OAS3: variants seen among roughly 807,000 people sequenced by gnomAD.
OAS3 encodes the protein 2'-5'-oligoadenylate synthase 3.
OAS3 carries 107 observed loss-of-function variants against 113.0 expected under a neutral mutation model. The ratio of observed to expected loss-of-function variants is 0.95; its 90% CI spans 0.81 to 1.11. OAS3 has a LOEUF of 1.11. Ranked by LOEUF, OAS3 falls within the 50% of genes most tolerant of loss-of-function variation. The pLI, the probability that OAS3 is intolerant of heterozygous loss-of-function variation, is 0.00. For missense variants in OAS3, 1,258 were observed against 1,389.1 expected, an observed-to-expected ratio of 0.91 and a Z score of 1.50; for synonymous variants, 552 against 573.6, an observed-to-expected ratio of 0.96 and a Z score of 0.54.
rs577173499 is a variant in OAS3, at chr12:112,965,851, C to T, written c.2511C>T (p.Ala837=). The change falls in exon 12 of 16, where the codon GCC becomes GCT. Residue 837 remains alanine (A), a synonymous_variant. Transcript: ENST00000228928. ...TCACTGAGCAGGGCAACAAGCGGGC[C>T]GAGATCATCTCCGAGATCCGAGCCC... ...SQFTEQGNKR[A]EIISEIRAQL... is the part of the protein sequence containing the mutation. 6.8e-6 allele frequency: 11 copies of T among 1,613,732 alleles called. No individual in the cohort carries two copies. The highest frequency in any genetic ancestry group is 1.6e-4 in the Middle Eastern group (1 of 6,062).
At chr12:112,969,878 G>A in intron 15 of OAS3, 84 bp from the exon 16 acceptor site, 1 of 1,588,824 alleles carries the variant, frequency 6.3e-7, no homozygotes, top group Non-Finnish European at 8.6e-7. Flanking sequence ...ATGCCCCTGT[G>A]CTTCCATTTT....
Position 112,965,981 on chromosome 12 carries a change from C to T in OAS3, c.2641C>T (p.Leu881=). ...CTTCTCACTGACATCCCAGACGATG[C>T]TGGACCAGAGTGTGGACTTTGATGT... ...LSFSLTSQTM[L]DQSVDFDVLP... Residue 881 remains leucine, a synonymous_variant, in exon 12 of 16, where the codon CTG becomes TTG. Coordinates refer to ENST00000228928, the MANE Select transcript of OAS3 (RefSeq NM_006187.4). The T allele has an allele frequency of 1.2e-6, 2 of 1,614,060 alleles. No homozygotes were observed. The highest frequency in any genetic ancestry group is 2.2e-5 in the South Asian group (2 of 91,078).
chr12:112,959,391 C>T (rs1399557493), intron 7 of OAS3, among the ~76,000 whole-genome samples: 2 of 152,140 alleles, frequency 1.3e-5, no homozygotes, highest in African/African-American at 4.8e-5. Context: ...AACCCAGTAC[C>T]TCAGTTGGAA....
Position 112,950,916 on chromosome 12 carries a change from T to C in OAS3, c.1598T>C (p.Val533Ala). Residue 533 changes from valine (V) to alanine (A), a missense_variant, in exon 7 of 16, where the codon GTG becomes GCG. Physicochemically the swap from Val to Ala is moderately conservative, Grantham distance 64 (BLOSUM62 0). Transcript: ENST00000228928. ...CCTGAGGCTCTGCAGTTCCAGCTGG[T>C]GTCCACAGCCCTGAAGAGCTGGACG... ...NVPEALQFQL[V>A]STALKSWTDV... 6.2e-7 allele frequency: 1 copy of C among 1,613,968 alleles called. No individual in the cohort carries two copies. Among genetic ancestry groups the C allele is most frequent in the Non-Finnish European group, 8.5e-7 (1 of 1,179,894 alleles).
chr12:112,949,159 G>T lies in OAS3; in HGVS notation c.1328G>T (p.Arg443Leu). 1 of 1,613,516 alleles carries T rather than the reference G, an allele frequency of 6.2e-7. No individual in the cohort carries two copies. Among genetic ancestry groups the T allele is most frequent in the Non-Finnish European group, 8.5e-7 (1 of 1,179,874 alleles). Residue 443 changes from arginine (R) to leucine (L), a missense_variant, in exon 6 of 16, where the codon CGC becomes CTC. Physicochemically the swap from Arg to Leu is moderately radical, Grantham distance 102. Coordinates refer to ENST00000228928, the MANE Select transcript of OAS3 (RefSeq NM_006187.4). ...QVKKAIDIIL[R>L]CLHENCVHKA... is the part of the protein sequence containing the mutation. ...AAAAAGGCCATTGACATCATCTTGC[G>T]CTGCCTCCATGAGAACTGTGTTCAC...
rs1370918800 is a variant in OAS3, at chr12:112,945,996, T to C, written c.637-747T>C. 2.6e-5 allele frequency among the ~76,000 whole-genome samples: 4 copies of C among 151,966 alleles called. No homozygotes were observed. In the East Asian group the frequency reaches 7.7e-4, roughly 29 times the overall value. ...AACAGAGTAAGACTCTGTCTATAAA[T>C]TAATTAATTAATTAATACAACTATG... On this transcript the variant is annotated intron_variant, in intron 3 of 15. Coordinates refer to ENST00000228928, the MANE Select transcript of OAS3 (RefSeq NM_006187.4).
intron 6 of OAS3, 132 bp from the exon 7 acceptor site, chr12:112,950,561 G>A (rs1287905528): frequency 9.3e-7 from 1 of 1,073,968 alleles, no homozygotes; most frequent in Non-Finnish European, 1.4e-6. Flanking sequence ...GTCGACCTTT[G>A]TCATAGTCCC....
rs1593188278 is a variant in OAS3 at position 112,970,775 on chromosome 12, C to G, written c.*802C>G. 6.6e-6 allele frequency: 1 copy of G among 152,366 alleles called. No homozygotes were observed. Among genetic ancestry groups the G allele is most frequent in the East Asian group, 1.9e-4 (1 of 5,190 alleles). The allele number at this position is 152,366 out of a possible 1,614,324, so 9.4% of individuals were successfully genotyped here. A position where few individuals can be genotyped will look rare whatever the true frequency, so the allele number is the denominator to read the frequency against. On this transcript the variant is annotated 3_prime_UTR_variant, in exon 16 of 16. Coordinates refer to ENST00000228928, the MANE Select transcript of OAS3 (RefSeq NM_006187.4). ...GGGACATGCATGCTATGGGGACCCT[C>G]TTGTTGGACACCTAATTGGATGCCT...
At position 112,964,249 on chromosome 12, in the gene OAS3, C is replaced by T; in HGVS notation, c.2244C>T (p.Tyr748=). The T allele has an allele frequency of 6.3e-7, 1 of 1,592,804 alleles. No individual in the cohort carries two copies. Among genetic ancestry groups the T allele is most frequent in the Non-Finnish European group, 8.6e-7 (1 of 1,169,200 alleles). The change falls in exon 11 of 16, where the codon TAC becomes TAT. Residue 748 remains tyrosine, a synonymous_variant. Transcript: ENST00000228928. ...TCTCTCTGCAGCCAGCCCTCCTTTA[C>T]CAAACCCCAGCTGGGGACCTTGACA... is the stretch of plus-strand genomic sequence containing the variant. ...QPWDVMPALL[Y]QTPAGDLDKF...
rs2043817707 is a variant in OAS3 at position 112,954,549 on chromosome 12, G to A, written c.1657+3574G>A. On this transcript the variant is annotated intron_variant, in intron 7 of 15. Coordinates refer to ENST00000228928, the MANE Select transcript of OAS3 (RefSeq NM_006187.4). This position sits in a 1 kb window ranked among gnomAD's most constrained non-coding sequence, Gnocchi z 4.0. The stretch of plus-strand genomic sequence containing the variant: ...CCGACCTCGTGATCCACCCACCTCG[G>A]CCTCCCAAAGTGCTGGGATTACAGG... Among the ~76,000 whole-genome samples the A allele has an allele frequency of 1.3e-5, 2 of 152,246 alleles. No homozygotes were observed. Among genetic ancestry groups the A allele is most frequent in the South Asian group, 4.2e-4 (2 of 4,818 alleles).
intron 6 of OAS3, chr12:112,950,443 G>A: frequency 1.9e-6 from 1 of 531,218 alleles, no homozygotes; most frequent in Non-Finnish European, 3.4e-6. Flanking sequence ...ATTATCTGTT[G>A]CTGCAGTTTG....
chr12:112,952,970 G>A (rs34762086), intron 7 of OAS3, among the ~76,000 whole-genome samples: 20,316 of 152,032 alleles, frequency 0.13, 1,442 homozygotes, highest in Middle Eastern at 0.19. Flanking sequence ...ATGTATCTGT[G>A]TATAGAATTC....
chr12:112,964,204 C>T, intron 10 of OAS3, 31 bp from the exon 11 acceptor site: 1 of 1,556,474 alleles, frequency 6.4e-7, no homozygotes, highest in Non-Finnish European at 8.7e-7. Flanking sequence ...AGTCCCGTCT[C>T]AAGCTGGCCC....
Position 112,970,079 on chromosome 12 carries a change from T to TGTGTGTGAGCACATGTGTGC in OAS3, c.*107_*126dup. On this transcript the variant is annotated 3_prime_UTR_variant, in exon 16 of 16. Transcript: ENST00000228928. ...CCAGATGAGAGAGATTGTGTACATGTGTGTGTGAGCACATGTGTGCATGTG... is the reference window on the plus strand; with the variant it reads ...CCAGATGAGAGAGATTGTGTACATGTGTGTGTGAGCACATGTGTGCGTGTGTGAGCACATGTGTGCATGTG... 4.6e-6 allele frequency: 6 copies of TGTGTGTGAGCACATGTGTGC among 1,316,998 alleles called. No individual in the cohort carries two copies. The South Asian group carries it at 7.5e-5, about 17-fold the overall frequency. 81.6% of individuals were successfully genotyped at this position (1,316,998 alleles called of 1,614,324 possible).
Position 112,946,875 on chromosome 12 carries a change from G to T in OAS3, c.769G>T (p.Gly257Cys). The change falls in exon 4 of 16, where the codon GGC (glycine) becomes TGC (cysteine). Residue 257 changes from glycine to cysteine, a missense_variant. Coordinates refer to ENST00000228928, the MANE Select transcript of OAS3 (RefSeq NM_006187.4). The part of the protein sequence containing the change: ...SLAEGLRTVL[G>C]LIQQHQHLCV... ...AGCCGAAGGCCTCCGAACTGTCCTG[G>T]GCCTGATCCAACAGCATCAGCACCT... is the stretch of plus-strand genomic sequence containing the variant. 1 of 1,613,960 alleles carries T rather than the reference G, an allele frequency of 6.2e-7. No individual in the cohort carries two copies. Among genetic ancestry groups the T allele is most frequent in the African/African-American group, 1.3e-5 (1 of 75,030 alleles).
At chr12:112,942,056 T>C in intron 2 of OAS3, 1 of 650,882 alleles carries the variant, frequency 1.5e-6, no homozygotes, top group East Asian at 2.7e-5. Flanking sequence ...GGATCTGTGG[T>C]CCTGCTGTCA....
At chr12:112,964,159 G>A in intron 10 of OAS3, 76 bp from the exon 11 acceptor site, 1 of 1,437,388 alleles carries the variant, frequency 7.0e-7, no homozygotes, top group Non-Finnish European at 9.4e-7. Flanking sequence ...TGTCCTCAGA[G>A]GACATCAAGG....
At chr12:112,956,855 G>A (rs956969134) in intron 7 of OAS3, among the ~76,000 whole-genome samples, 44 of 152,146 alleles carry the variant, frequency 2.9e-4, no homozygotes, top group African/African-American at 8.7e-4. Context: ...TATTAGGTCC[G>A]CTTGGTGCAG....
Position 112,938,523 on chromosome 12 carries a change from G to T in OAS3, c.-8G>T. 3 of 1,560,670 alleles carry T rather than the reference G, an allele frequency of 1.9e-6. No homozygotes were observed. Among genetic ancestry groups the T allele is most frequent in the Non-Finnish European group, 2.6e-6 (3 of 1,156,820 alleles). ...CCCTGCTTCCCCTTGCACCTGCGCC[G>T]GGCGGCCATGGACTTGTACAGCACC... On this transcript the variant is annotated 5_prime_UTR_variant, in exon 1 of 16. Transcript: ENST00000228928.
Sources: gnomAD v4.1 joint callset for allele counts (sites outside exome capture counted in the v4.1 genomes callset) on GRCh38, gnomAD v4.1.1 for gene constraint, Gnocchi (gnomAD v3.1) non-coding constraint, MANE v1.5 for transcripts, NCBI Gene and HGNC (gene_info 2026-07-23, HGNC 2026-07-21) for gene names.